VPS13B: variants seen among roughly 807,000 people sequenced by gnomAD.
VPS13B encodes vacuolar protein sorting 13 homolog B, also known as intermembrane lipid transfer protein VPS13B.
Under a neutral mutation model 426.4 loss-of-function variants are expected in VPS13B, and 285 were observed. That is an observed-to-expected ratio of 0.67 (90% CI 0.61 to 0.74). The LOEUF (loss-of-function observed/expected upper bound fraction) is 0.74, where lower values mean the gene tolerates loss of function less well. Among genes scored for constraint, VPS13B ranks in the 30% least tolerant of loss-of-function variants. VPS13B has a pLI of 0.00. For synonymous variants in VPS13B, 1,676 were observed against 1,676.4 expected, an observed-to-expected ratio of 1.00 and a Z score of 0.01; for missense variants, 4,537 against 4,782.6, an observed-to-expected ratio of 0.95 and a Z score of 1.51.
At chr8:99,613,825 G>T (rs1827947036) in intron 33 of VPS13B, 1 of 152,278 alleles carries the variant, frequency 6.6e-6, no homozygotes, top group African/African-American at 2.4e-5. Flanking sequence ...GCAGTACAGT[G>T]ACTATTCATA....
chr8:99,663,568 A>G (rs984111812), intron 35 of VPS13B, among the ~76,000 whole-genome samples: 5 of 152,168 alleles, frequency 3.3e-5, no homozygotes, highest in Non-Finnish European at 5.9e-5. Flanking sequence ...ATATGCCACT[A>G]AAAATGAAAA....
intron 33 of VPS13B, among the ~76,000 whole-genome samples, chr8:99,629,651 A>T (rs1828758353): frequency 6.6e-6 from 1 of 152,168 alleles, no homozygotes; most frequent in Non-Finnish European, 1.5e-5. Context: ...GAAGTTCCAG[A>T]ATGGAGACTT....
chr8:99,727,694 G>T lies in VPS13B; in HGVS notation c.7050+6647G>T, dbSNP rs553234977. On this transcript the variant is annotated intron_variant, in intron 39 of 61. Transcript: ENST00000357162. Reference sequence around the variant, plus strand: ...TCCCACTGGTTCCCTCCCACAACACGTGGGAATTATGGGAGTTACAAGATG... The same window carrying T: ...TCCCACTGGTTCCCTCCCACAACACTTGGGAATTATGGGAGTTACAAGATG... Among the ~76,000 whole-genome samples the T allele has an allele frequency of 3.3e-5, 5 of 151,964 alleles. No individual in the cohort carries two copies. The South Asian group carries it at 8.3e-4, about 25-fold the overall frequency.
At chr8:99,513,015 G>GAA (rs201570928) in intron 29 of VPS13B, among the ~76,000 whole-genome samples, 24 of 103,486 alleles carry the variant, frequency 2.3e-4, no homozygotes, top group African/African-American at 6.2e-4. Context: ...TCTCAAGTGG[G>GAA]AAAAAAAAAA....
chr8:99,830,838 C>T (rs926485559), intron 51 of VPS13B, among the ~76,000 whole-genome samples: 1 of 152,114 alleles, frequency 6.6e-6, no homozygotes, highest in African/African-American at 2.4e-5. Context: ...TCATGGCTTC[C>T]TTTGGCTAGG....
At chr8:99,639,644 T>C (rs1320833160) in intron 33 of VPS13B, among the ~76,000 whole-genome samples, 1 of 148,372 alleles carries the variant, frequency 6.7e-6, no homozygotes, top group Non-Finnish European at 1.5e-5. Flanking sequence ...ATATAAGTTA[T>C]TGCATATATA....
intron 16 of VPS13B, among the ~76,000 whole-genome samples, chr8:99,189,738 A>T (rs370279962): frequency 1.4e-4 from 22 of 152,190 alleles, no homozygotes; most frequent in African/African-American, 4.6e-4. Context: ...AATTTGAGTT[A>T]TATTTTATTT....
chr8:99,076,023 G>A (rs1243307215), intron 3 of VPS13B, among the ~76,000 whole-genome samples: 5 of 151,578 alleles, frequency 3.3e-5, no homozygotes, highest in African/African-American at 4.8e-5. Flanking sequence ...TCTTAGTATC[G>A]CTTTTCTTGT....
chr8:99,250,093 A>G (rs890843679), intron 17 of VPS13B, among the ~76,000 whole-genome samples: 5 of 152,140 alleles, frequency 3.3e-5, no homozygotes, highest in African/African-American at 1.2e-4. Context: ...CATTGTGATT[A>G]TAATTTGCAT....
chr8:99,657,321 A>G (rs1013030034), intron 34 of VPS13B, among the ~76,000 whole-genome samples: 2 of 152,200 alleles, frequency 1.3e-5, no homozygotes, highest in African/African-American at 4.8e-5. Flanking sequence ...GAGGGCATCA[A>G]ATACCCACTA....
chr8:99,552,646 T>C (rs1824342874), intron 30 of VPS13B, among the ~76,000 whole-genome samples: 1 of 151,966 alleles, frequency 6.6e-6, no homozygotes, highest in Non-Finnish European at 1.5e-5. Context: ...ACCTTGTCCA[T>C]TTCTACATGA....
chr8:99,391,420 T>C lies in VPS13B; in HGVS notation c.2935-137T>C, dbSNP rs993869009. 13 of 1,343,724 alleles carry C rather than the reference T, an allele frequency of 9.7e-6. No individual in the cohort carries two copies. The African/African-American group carries it at 1.5e-4, about 15-fold the overall frequency. 83.2% of individuals were successfully genotyped at this position (1,343,724 alleles called of 1,614,324 possible). A position where few individuals can be genotyped will look rare whatever the true frequency, so the allele number is the denominator to read the frequency against. ...TGGGGACAGATGAGGGAGGGAGAGATTGATTGATTTACAATAATGAAGTCT... is the reference window on the plus strand; with the variant it reads ...TGGGGACAGATGAGGGAGGGAGAGACTGATTGATTTACAATAATGAAGTCT... On this transcript the variant is annotated intron_variant, in intron 20 of 61. Transcript: ENST00000357162.
intron 2 of VPS13B, among the ~76,000 whole-genome samples, chr8:99,030,963 CTT>C (rs1359442717): frequency 6.6e-6 from 1 of 152,164 alleles, no homozygotes; most frequent in Non-Finnish European, 1.5e-5. Flanking sequence ...TGGTTTGACT[CTT>C]TACAATATTG....
intron 21 of VPS13B, among the ~76,000 whole-genome samples, chr8:99,415,886 C>T (rs761681726): frequency 3.3e-5 from 5 of 152,192 alleles, no homozygotes; most frequent in African/African-American, 4.8e-5. Flanking sequence ...TCAGGAAGCA[C>T]GGGGGTCGGG....
intron 19 of VPS13B, among the ~76,000 whole-genome samples, chr8:99,319,260 C>A (rs911511214): frequency 6.6e-6 from 1 of 152,114 alleles, no homozygotes; most frequent in African/African-American, 2.4e-5. Flanking sequence ...CAATGAATAT[C>A]CTCAAATGAA....
chr8:99,021,807 C>T (rs1047629530), intron 2 of VPS13B, among the ~76,000 whole-genome samples: 4 of 152,066 alleles, frequency 2.6e-5, no homozygotes, highest in Non-Finnish European at 5.9e-5. Flanking sequence ...GAGACGAGGT[C>T]TCACGATGTT....
At chr8:99,092,627 C>A (rs1457913104) in intron 3 of VPS13B, among the ~76,000 whole-genome samples, 1 of 151,908 alleles carries the variant, frequency 6.6e-6, no homozygotes, top group Non-Finnish European at 1.5e-5. Context: ...AATGGAAACT[C>A]ACTTTTATTT....
At chr8:99,264,721 G>GT (rs1818218042) in intron 17 of VPS13B, among the ~76,000 whole-genome samples, 1 of 151,508 alleles carries the variant, frequency 6.6e-6, no homozygotes, top group African/African-American at 2.4e-5. Flanking sequence ...TTATGTGTGT[G>GT]TTTTTTTCAT....
At chr8:99,641,499 TAA>T (rs1025875086) in intron 33 of VPS13B, among the ~76,000 whole-genome samples, 2 of 152,206 alleles carry the variant, frequency 1.3e-5, no homozygotes, top group African/African-American at 4.8e-5. Flanking sequence ...AATAATTCTT[TAA>T]AGAGACATTT....
Sources: allele counts gnomAD v4.1 joint callset (sites outside exome capture counted in the v4.1 genomes callset), GRCh38; gene constraint gnomAD v4.1.1; transcripts MANE v1.5; gene names NCBI Gene and HGNC (gene_info 2026-07-23, HGNC 2026-07-21).